KATNIP: variants seen among roughly 807,000 people sequenced by gnomAD.
The protein encoded by KATNIP is katanin-interacting protein.
A neutral mutation model predicts 174.0 loss-of-function variants in KATNIP; 126 were observed. That is an observed-to-expected ratio of 0.72 (90% CI 0.63 to 0.84). KATNIP has a LOEUF of 0.84. KATNIP is among the 40% of genes least tolerant of loss of function. KATNIP has a pLI of 0.00. For synonymous variants in KATNIP, 810 were observed against 835.7 expected, an observed-to-expected ratio of 0.97 and a Z score of 0.53; for missense variants, 1,958 against 2,109.7, an observed-to-expected ratio of 0.93 and a Z score of 1.41.
intron 4 of KATNIP, among the ~76,000 whole-genome samples, chr16:27,629,938 G>A (rs1427079667): frequency 2.0e-5 from 3 of 152,164 alleles, no homozygotes; most frequent in Non-Finnish European, 4.4e-5. Flanking sequence ...GACTGGGCCC[G>A]GGAAGTCAAG....
chr16:27,693,220 T>C (rs970153037), intron 8 of KATNIP, among the ~76,000 whole-genome samples: 2 of 152,186 alleles, frequency 1.3e-5, no homozygotes. Context: ...TCTCTCCTGT[T>C]GCCCAGCAGG....
chr16:27,601,215 AG>A (rs2075512977), intron 2 of KATNIP, among the ~76,000 whole-genome samples: 1 of 152,010 alleles, frequency 6.6e-6, no homozygotes, highest in Non-Finnish European at 1.5e-5. Context: ...AGGAACTGGG[AG>A]ACACAGCAGT....
At chr16:27,751,604 C>T (rs1007779133) in intron 16 of KATNIP, 115 bp from the exon 17 acceptor site, 9 of 884,142 alleles carry the variant, frequency 1.0e-5, no homozygotes, top group Non-Finnish European at 1.5e-5. Context: ...CTAATCAATA[C>T]CAGTTAAGGG....
At chr16:27,718,062 G>A (rs1020775072) in intron 13 of KATNIP, among the ~76,000 whole-genome samples, 15 of 152,124 alleles carry the variant, frequency 9.9e-5, no homozygotes, top group African/African-American at 3.4e-4. Flanking sequence ...ACTTACATGT[G>A]GATCCTTGCC....
At chr16:27,688,681 C>T (rs1157717268) in intron 8 of KATNIP, among the ~76,000 whole-genome samples, 2 of 152,206 alleles carry the variant, frequency 1.3e-5, no homozygotes, top group Non-Finnish European at 2.9e-5. Flanking sequence ...TGTTTTAATT[C>T]CTAGCAAGTT....
chr16:27,739,590 G>A (rs572379354), intron 14 of KATNIP, among the ~76,000 whole-genome samples: 7 of 152,268 alleles, frequency 4.6e-5, no homozygotes, highest in African/African-American at 4.8e-5. Context: ...GCTTTTCGAC[G>A]CAGATGGTCT....
chr16:27,628,052 G>T (rs542767101), intron 3 of KATNIP, among the ~76,000 whole-genome samples: 1 of 152,168 alleles, frequency 6.6e-6, no homozygotes, highest in Non-Finnish European at 1.5e-5. Context: ...TTGAACCAAC[G>T]CCTGCATTGA....
At chr16:27,572,253 TAA>T (rs918432455) in intron 1 of KATNIP, among the ~76,000 whole-genome samples, 1 of 151,536 alleles carries the variant, frequency 6.6e-6, no homozygotes, top group Non-Finnish European at 1.5e-5. Context: ...CCCATCTCTA[TAA>T]AAAAAATTTT....
In KATNIP at chr16:27,575,082, G is replaced by A. The variant is rs116112972; in HGVS notation, c.63+1126G>A. On this transcript the variant is annotated intron_variant, in intron 2 of 27. Transcript: ENST00000261588. The stretch of plus-strand genomic sequence containing the variant: ...ATCTCAGAGTATGCACTGTCTAGTT[G>A]GAAGAGAGCTACAGTACAATAGTTA... Among the ~76,000 whole-genome samples, 1,447 of 152,316 alleles carry A rather than the reference G, an allele frequency of 9.5e-3. 25 individuals are homozygous for A. Among genetic ancestry groups the A allele is most frequent in the African/African-American group, 0.034 (1,395 of 41,560 alleles).
At chr16:27,681,644 C>G in intron 8 of KATNIP, 114 bp downstream of exon 8, 1 of 1,202,418 alleles carries the variant, frequency 8.3e-7, no homozygotes, top group Non-Finnish European at 1.2e-6. Context: ...GGCTAGCTGC[C>G]CTTTAGCAAA....
At chr16:27,618,613 C>G (rs2076110089) in intron 3 of KATNIP, 112 bp downstream of exon 3, 2 of 708,116 alleles carry the variant, frequency 2.8e-6, no homozygotes, top group Admixed American at 4.3e-5. Flanking sequence ...GCAGAGTCCC[C>G]CTCCACTCAG....
intron 5 of KATNIP, among the ~76,000 whole-genome samples, chr16:27,646,743 G>A (rs1339969094): frequency 1.3e-5 from 2 of 152,086 alleles, no homozygotes; most frequent in Non-Finnish European, 2.9e-5. Context: ...CTCCAGCAGG[G>A]AGACACAAGT....
At chr16:27,704,929 TAGAC>T (rs1216638827) in intron 12 of KATNIP, among the ~76,000 whole-genome samples, 13 of 150,194 alleles carry the variant, frequency 8.7e-5, no homozygotes, top group East Asian at 3.9e-4. Flanking sequence ...TTTTTTTTCT[TAGAC>T]AGAGCCTTGT....
At chr16:27,712,388 C>T (rs2079613049) in intron 13 of KATNIP, among the ~76,000 whole-genome samples, 1 of 152,268 alleles carries the variant, frequency 6.6e-6, no homozygotes, top group Non-Finnish European at 1.5e-5. Flanking sequence ...CAGCCACAGC[C>T]TGGTGCATCG....
chr16:27,713,757 G>A (rs1292087386), intron 13 of KATNIP, among the ~76,000 whole-genome samples: 14 of 90,756 alleles, frequency 1.5e-4, no homozygotes, highest in African/African-American at 4.6e-4. Context: ...ATATATATGT[G>A]TGTGTATATG....
At chr16:27,704,125 C>T (rs8051631) in intron 12 of KATNIP, 127 bp downstream of exon 12, 4 of 697,008 alleles carry the variant, frequency 5.7e-6, no homozygotes, top group African/African-American at 1.8e-5. Context: ...TTCCACCGCC[C>T]CCCCCCTCCC....
At chr16:27,632,694 G>A in intron 5 of KATNIP, 2 of 450,244 alleles carry the variant, frequency 4.4e-6, no homozygotes, top group Non-Finnish European at 9.0e-6. Context: ...GGGAGGGGCA[G>A]CAGGCTGTTG....
At chr16:27,659,260 C>T (rs1809098541) in intron 6 of KATNIP, among the ~76,000 whole-genome samples, 1 of 151,922 alleles carries the variant, frequency 6.6e-6, no homozygotes, top group African/African-American at 2.4e-5. Flanking sequence ...TGCCTGTAAT[C>T]CTGGTGCTTG....
intron 5 of KATNIP, among the ~76,000 whole-genome samples, chr16:27,633,380 A>C (rs1209043845): frequency 6.6e-6 from 1 of 150,816 alleles, no homozygotes; most frequent in Non-Finnish European, 1.5e-5. Flanking sequence ...TTTCTCTTTA[A>C]AATTTATTTT....
Sources: gnomAD v4.1 joint callset for allele counts (sites outside exome capture counted in the v4.1 genomes callset) on GRCh38, gnomAD v4.1.1 for gene constraint, MANE v1.5 for transcripts, NCBI Gene and HGNC (gene_info 2026-07-23, HGNC 2026-07-21) for gene names.